The following RCC1 variants were observed in gnomAD, a reference collection of about 807,000 sequenced individuals.
The protein encoded by RCC1 is regulator of chromosome condensation.
A neutral mutation model predicts 44.4 loss-of-function variants in RCC1; 11 were observed. The observed-to-expected ratio is 0.25, with a 90% confidence interval of 0.16 to 0.41. The LOEUF is 0.41. Among genes scored for constraint, RCC1 ranks in the 10% least tolerant of loss-of-function variants. The pLI, the probability that RCC1 is intolerant of heterozygous loss-of-function variation, is 1.00. For missense variants in RCC1, 386 were observed against 547.1 expected, an observed-to-expected ratio of 0.71 and a Z score of 2.94; for synonymous variants, 213 against 216.5, an observed-to-expected ratio of 0.98 and a Z score of 0.14.
rs1257681503 is a variant in RCC1 at position 28,536,350 on chromosome 1, C to T, written c.906C>T (p.Gly302=). ...STKSWVGFSG[G]QHHTVCMDSE... Reference sequence around the variant, plus strand: ...AGTCCTGGGTGGGCTTCTCTGGTGGCCAGCACCATACAGTCTGCATGGATT... The same window carrying T: ...AGTCCTGGGTGGGCTTCTCTGGTGGTCAGCACCATACAGTCTGCATGGATT... The change falls in exon 11 of 13, where the codon GGC becomes GGT. Residue 302 remains glycine, a synonymous_variant. Transcript: ENST00000683442. The surrounding 1 kb of genome is among the most constrained non-coding windows in gnomAD (Gnocchi z 4.9). The T allele has an allele frequency of 1.2e-6, 2 of 1,614,142 alleles. No homozygotes were observed.
intron 6 of RCC1, 44 bp from the exon 7 acceptor site, chr1:28,532,127 C>T: frequency 1.3e-6 from 2 of 1,598,390 alleles, no homozygotes; most frequent in Non-Finnish European, 1.7e-6. Context: ...TGAGAATGGA[C>T]TGCGAGGCCA....
chr1:28,526,234 G>A (rs753750857), intron 4 of RCC1: 2 of 177,570 alleles, frequency 1.1e-5, no homozygotes, highest in South Asian at 1.4e-4. Flanking sequence ...GCAATGAGCC[G>A]TGATTGTGCC....
At chr1:28,515,616 C>G (rs983657072) in intron 3 of RCC1, among the ~76,000 whole-genome samples, 5 of 149,624 alleles carry the variant, frequency 3.3e-5, no homozygotes, top group Non-Finnish European at 7.4e-5. Flanking sequence ...ACTCTGGAGA[C>G]TGAGGCAGGA....
chr1:28,520,099 G>A (rs189507588), intron 4 of RCC1, among the ~76,000 whole-genome samples: 2 of 152,290 alleles, frequency 1.3e-5, no homozygotes, highest in East Asian at 3.9e-4. Context: ...ATAGAACGGG[G>A]ATCCCAGGTG....
At chr1:28,514,392 G>A (rs1662752013) in intron 3 of RCC1, among the ~76,000 whole-genome samples, 1 of 151,432 alleles carries the variant, frequency 6.6e-6, no homozygotes, top group Admixed American at 6.6e-5. Flanking sequence ...GGAGCTTGCA[G>A]TGAGCCAAGA....
At position 28,536,715 on chromosome 1, in the gene RCC1, G is replaced by A. The variant is rs1227784118; in HGVS notation, c.938-32G>A. 5 of 1,610,586 alleles carry A rather than the reference G, an allele frequency of 3.1e-6. No homozygotes were observed. The highest frequency in any genetic ancestry group is 4.2e-6 in the Non-Finnish European group (5 of 1,177,822). On this transcript the variant is annotated intron_variant, in intron 11 of 12. Transcript: ENST00000683442. The surrounding 1 kb of genome is among the most constrained non-coding windows in gnomAD (Gnocchi z 4.9). ...CCATTTTGCCTGTAGCACGCCCTCT[G>A]CTATTGCTCATCTCTCTCCCTCCTC...
chr1:28,511,722 G>A (rs1160015354), intron 3 of RCC1, among the ~76,000 whole-genome samples: 2 of 150,180 alleles, frequency 1.3e-5, no homozygotes, highest in East Asian at 2.0e-4. Flanking sequence ...GTGCAATGGA[G>A]CCATCTTGGC....
intron 9 of RCC1, 123 bp downstream of exon 9, chr1:28,535,503 A>C (rs1301061911): frequency 6.9e-7 from 1 of 1,455,630 alleles, no homozygotes; most frequent in Non-Finnish European, 9.4e-7. Flanking sequence ...GTTGGTTAGG[A>C]CTTTGGAGAC....
At chr1:28,507,579 G>T (rs757180886) in intron 1 of RCC1, 2 of 511,092 alleles carry the variant, frequency 3.9e-6, no homozygotes, top group South Asian at 2.8e-5. Flanking sequence ...GCCTTCTAGA[G>T]CACTGAATCT....
chr1:28,507,144 C>G (rs936547439), intron 1 of RCC1: 7 of 275,496 alleles, frequency 2.5e-5, no homozygotes, highest in Non-Finnish European at 3.7e-5. Context: ...TAATTGTTGT[C>G]TTTGCTTCTG....
intron 5 of RCC1, among the ~76,000 whole-genome samples, chr1:28,531,205 C>T (rs1007521430): frequency 2.0e-5 from 3 of 150,742 alleles, no homozygotes; most frequent in Non-Finnish European, 2.9e-5. Flanking sequence ...TCCAGACTGG[C>T]GACAAAGGGA....
rs1664559634 is a variant in RCC1 at position 28,536,405 on chromosome 1, A to G, written c.937+24A>G. 1 of 1,609,160 alleles carries G rather than the reference A, an allele frequency of 6.2e-7. No homozygotes were observed. On this transcript the variant is annotated intron_variant, in intron 11 of 12. Coordinates refer to ENST00000683442, the MANE Select transcript of RCC1 (RefSeq NM_001381865.2). The surrounding 1 kb of genome is among the most constrained non-coding windows in gnomAD (Gnocchi z 4.9). Reference sequence around the variant, plus strand: ...AGGTAGGGCCTTTACGTCCTTCTCTAGTTTGGGGGTGGAGTGTTCCCTGGC... The same window carrying G: ...AGGTAGGGCCTTTACGTCCTTCTCTGGTTTGGGGGTGGAGTGTTCCCTGGC...
Position 28,536,693 on chromosome 1 carries a change from T to C in RCC1, c.938-54T>C. On this transcript the variant is annotated intron_variant, in intron 11 of 12. Coordinates refer to ENST00000683442, the MANE Select transcript of RCC1 (RefSeq NM_001381865.2). The surrounding 1 kb of genome is among the most constrained non-coding windows in gnomAD (Gnocchi z 4.9). ...GTGGACTCACCTAGCCTGCCACCCATTTTGCCTGTAGCACGCCCTCTGCTA... is the reference window on the plus strand; with the variant it reads ...GTGGACTCACCTAGCCTGCCACCCACTTTGCCTGTAGCACGCCCTCTGCTA... 4 of 1,592,842 alleles carry C rather than the reference T, an allele frequency of 2.5e-6. No individual in the cohort carries two copies. The highest frequency in any genetic ancestry group is 3.4e-6 in the Non-Finnish European group (4 of 1,166,630).
At chr1:28,527,864 C>T (rs1037488543) in intron 4 of RCC1, among the ~76,000 whole-genome samples, 1 of 151,526 alleles carries the variant, frequency 6.6e-6, no homozygotes, top group Non-Finnish European at 1.5e-5. Context: ...ACAAAATAAG[C>T]CGGGCGTGGT....
intron 3 of RCC1, among the ~76,000 whole-genome samples, chr1:28,515,089 C>T (rs941773041): frequency 5.3e-5 from 8 of 152,220 alleles, no homozygotes; most frequent in Middle Eastern, 3.4e-3. Flanking sequence ...ACCAGCCTGG[C>T]CAACATAGTG....
intron 9 of RCC1, 187 bp downstream of exon 9, chr1:28,535,567 T>A: frequency 2.2e-6 from 2 of 917,908 alleles, no homozygotes; most frequent in South Asian, 2.8e-5. Context: ...GAACATAGTT[T>A]CTTCATCACT....
chr1:28,527,124 G>A, intron 4 of RCC1: 1 of 1,246,066 alleles, frequency 8.0e-7, no homozygotes, highest in Non-Finnish European at 1.2e-6. Flanking sequence ...TGTTCTTCCA[G>A]AAGCAGCAGG....
intron 4 of RCC1, among the ~76,000 whole-genome samples, chr1:28,520,401 G>C (rs190180692): frequency 6.6e-6 from 1 of 152,312 alleles, no homozygotes; most frequent in Admixed American, 6.5e-5. Context: ...GTCTAGACTG[G>C]CGTGCCTACC....
intron 4 of RCC1, among the ~76,000 whole-genome samples, chr1:28,520,309 G>A (rs930051180): frequency 6.6e-6 from 1 of 152,170 alleles, no homozygotes; most frequent in African/African-American, 2.4e-5. Flanking sequence ...GGCCTGGGAG[G>A]GCTCTGTCTC....
Sources: gnomAD v4.1 joint callset for allele counts (sites outside exome capture counted in the v4.1 genomes callset) on GRCh38, gnomAD v4.1.1 for gene constraint, Gnocchi (gnomAD v3.1) non-coding constraint, MANE v1.5 for transcripts, NCBI Gene and HGNC (gene_info 2026-07-23, HGNC 2026-07-21) for gene names.